Variants in RNF213 observed in about 807,000 individuals in gnomAD.
The protein encoded by RNF213 is E3 ubiquitin-protein ligase RNF213.
Under a neutral mutation model 514.4 loss-of-function variants are expected in RNF213, and 341 were observed. That is an observed-to-expected ratio of 0.66 (90% CI 0.61 to 0.73). The LOEUF is 0.73. Among genes scored for constraint, RNF213 ranks in the 30% least tolerant of loss-of-function variants. RNF213 has a pLI of 0.00. For missense variants in RNF213, 5,767 were observed against 6,615.6 expected (o/e 0.87, Z 4.45); for synonymous variants, 2,655 against 2,658.2 (o/e 1.00, Z 0.04).
chr17:80,350,532 A>C, intron 31 of RNF213, 136 bp downstream of exon 31: 1 of 680,268 alleles, frequency 1.5e-6, no homozygotes. Flanking sequence ...CCCCCGCCTC[A>C]TTCCCCCAAG....
intron 26 of RNF213, among the ~76,000 whole-genome samples, chr17:80,342,920 C>T (rs893165141): frequency 2.6e-5 from 4 of 151,818 alleles, no homozygotes; most frequent in Non-Finnish European, 5.9e-5. Flanking sequence ...ATTCTCCTGC[C>T]TCAGCCTCCT....
intron 13 of RNF213, 76 bp downstream of exon 13, chr17:80,307,277 G>T: frequency 7.9e-7 from 1 of 1,269,774 alleles, no homozygotes; most frequent in Non-Finnish European, 1.1e-6. Flanking sequence ...ATAATTGGCC[G>T]TGACCCACAT....
In RNF213 at chr17:80,289,776, G is replaced by A; in HGVS notation, c.1051G>A (p.Ala351Thr). Residue 351 changes from alanine to threonine, a missense_variant, in exon 6 of 68, where the codon GCT (alanine) becomes ACT (threonine). Ala to Thr is a moderately conservative substitution (Grantham distance 58). Transcript: ENST00000582970. The stretch of plus-strand genomic sequence containing the variant: ...AGAGGGGAAGAACAGAAGTGCAGCT[G>A]CTGTGAAAAACGAGAAGGAGCAAAA... ...KPEGKNRSAA[A>T]VKNEKEQKNQ... is the part of the protein sequence containing the mutation. 1 of 1,613,774 alleles carries A rather than the reference G, an allele frequency of 6.2e-7. No individual in the cohort carries two copies. The highest frequency in any genetic ancestry group is 8.5e-7 in the Non-Finnish European group (1 of 1,179,894).
intron 2 of RNF213, among the ~76,000 whole-genome samples, chr17:80,269,204 C>T (rs1415735516): frequency 6.6e-6 from 1 of 152,130 alleles, no homozygotes; most frequent in Non-Finnish European, 1.5e-5. Flanking sequence ...GTCTTCCTCT[C>T]CCAGGCCATT....
At position 80,327,910 on chromosome 17, in the gene RNF213, C is replaced by G; in HGVS notation, c.3288C>G (p.Leu1096=). The change falls in exon 19 of 68, where the codon CTC becomes CTG. Residue 1096 remains leucine (L), a synonymous_variant. Transcript: ENST00000582970. ...TGTTGACGAAAGTTGTTGGTGACCT[C>G]CTAAGTGGCACGATTTTAGTTGGAC... ...DSVLTKVVGD[L]LSGTILVGQL... 1 of 1,537,282 alleles carries G rather than the reference C, an allele frequency of 6.5e-7. No individual in the cohort carries two copies. The highest frequency in any genetic ancestry group is 8.7e-7 in the Non-Finnish European group (1 of 1,146,928).
chr17:80,390,237 T>C, intron 67 of RNF213, 41 bp downstream of exon 67: 1 of 1,585,712 alleles, frequency 6.3e-7, no homozygotes, highest in Non-Finnish European at 8.7e-7. Flanking sequence ...AGACACAATG[T>C]TGTGCTGTCT....
intron 57 of RNF213, 137 bp from the exon 58 acceptor site, chr17:80,382,842 A>G (rs1261664343): frequency 1.5e-6 from 1 of 673,496 alleles, no homozygotes; most frequent in African/African-American, 1.8e-5. Context: ...CTACTTCAAA[A>G]TACTTAGATT....
Position 80,327,921 on chromosome 17 carries a change from C to T in RNF213, c.3299C>T (p.Thr1100Met), listed in dbSNP as rs1023515458. 20 of 1,537,108 alleles carry T rather than the reference C, an allele frequency of 1.3e-5. No individual in the cohort carries two copies. The highest frequency in any genetic ancestry group is 3.6e-5 in the South Asian group (3 of 84,070). ...TKVVGDLLSGTILVGQLELII... is the reference protein window; with the variant it reads ...TKVVGDLLSGMILVGQLELII... ...GTTGTTGGTGACCTCCTAAGTGGCA[C>T]GATTTTAGTTGGACAACTGGAGCTG... Residue 1100 changes from threonine to methionine, a missense_variant, in exon 19 of 68, where the codon ACG becomes ATG. Physicochemically the swap from Thr to Met is moderately conservative, Grantham distance 81. Around this residue, in one of 13 missense-constraint regions of RNF213, gnomAD observed 516 missense variants for 566.5 expected, o/e 0.91. Transcript: ENST00000582970.
At chr17:80,281,576 ACCACT>A (rs1568006760) in intron 3 of RNF213, among the ~76,000 whole-genome samples, 1 of 46,518 alleles carries the variant, frequency 2.1e-5, no homozygotes, top group Non-Finnish European at 4.7e-5. Flanking sequence ...CCCCACTCAC[ACCACT>A]CACACACTGC....
chr17:80,378,106 A>G (rs2079835803), intron 54 of RNF213, among the ~76,000 whole-genome samples: 2 of 152,218 alleles, frequency 1.3e-5, no homozygotes, highest in Admixed American at 6.5e-5. Context: ...CCAGTGTGAC[A>G]GCTAAAACCA....
chr17:80,390,256 ATCT>A (rs1269357347), intron 67 of RNF213, 60 bp downstream of exon 67: 1 of 1,533,782 alleles, frequency 6.5e-7, no homozygotes, highest in Non-Finnish European at 9.0e-7. Context: ...CTCTCCTGTG[ATCT>A]TCTATAGACA....
At position 80,319,561 on chromosome 17, in the gene RNF213, G is replaced by A. The variant is rs889386693; in HGVS notation, c.3024+249G>A. On this transcript the variant is annotated intron_variant, in intron 17 of 67. Coordinates refer to ENST00000582970, the MANE Select transcript of RNF213 (RefSeq NM_001256071.3). ...ATGTGTTCCATATGGAATCACGGCC[G>A]TGCGCGTGTGGCACAAGTCACACGG... The A allele has an allele frequency of 7.4e-5, 119 of 1,603,188 alleles. 1 individual carries two copies. The highest frequency in any genetic ancestry group is 5.5e-4 in the South Asian group (49 of 89,616).
chr17:80,315,526 TGGA>T (rs1193109790), intron 15 of RNF213: 1 of 27,146 alleles, frequency 3.7e-5, no homozygotes, highest in Admixed American at 3.3e-4. Flanking sequence ...GAGGTGATGG[TGGA>T]GGTACTGGAG....
intron 1 of RNF213, among the ~76,000 whole-genome samples, chr17:80,261,680 G>T (rs929446159): frequency 8.5e-5 from 13 of 152,248 alleles, no homozygotes; most frequent in Non-Finnish European, 4.4e-5. Flanking sequence ...GGTGCCTGGG[G>T]CTCTCTCTTG....
chr17:80,293,684 C>T (rs773996734), intron 8 of RNF213, among the ~76,000 whole-genome samples: 3 of 151,954 alleles, frequency 2.0e-5, no homozygotes, highest in South Asian at 2.1e-4. Flanking sequence ...ATTGGCCGGG[C>T]GTCTTGGCAG....
chr17:80,287,965 G>T lies in RNF213; in HGVS notation c.412G>T (p.Ala138Ser). 1 of 1,573,394 alleles carries T rather than the reference G, an allele frequency of 6.4e-7. No individual in the cohort carries two copies. ...GGACACAGCCCTGCCCCACAGCCAAGCCCAGCAGAGTGGCCCCACTGGCCA... is the reference window on the plus strand; with the variant it reads ...GGACACAGCCCTGCCCCACAGCCAATCCCAGCAGAGTGGCCCCACTGGCCA... ...PQDTALPHSQ[A>S]QQSGPTGQPS... Residue 138 changes from alanine (A) to serine (S), a missense_variant, in exon 4 of 68, where the codon GCC becomes TCC. Ala to Ser is a moderately conservative substitution (Grantham distance 99). Coordinates refer to ENST00000582970, the MANE Select transcript of RNF213 (RefSeq NM_001256071.3).
In RNF213 at chr17:80,273,263, A is replaced by C. The variant is rs202087716; in HGVS notation, c.120A>C (p.Thr40=). Residue 40 remains threonine (T), a synonymous_variant, in exon 3 of 68, where the codon ACA becomes ACC. Coordinates refer to ENST00000582970, the MANE Select transcript of RNF213 (RefSeq NM_001256071.3). ...CAGATTCTGAGAACAATAACTCCACAATGGCGTCGGCCTCGGAGGGTGAAA... is the reference window on the plus strand; with the variant it reads ...CAGATTCTGAGAACAATAACTCCACCATGGCGTCGGCCTCGGAGGGTGAAA... The part of the protein sequence containing the change: ...PIADSENNNS[T]MASASEGEME... The C allele has an allele frequency of 2.1e-5, 34 of 1,613,540 alleles. No individual in the cohort carries two copies. In the Admixed American group the frequency reaches 3.0e-4, roughly 14 times the overall value.
At chr17:80,349,998 G>A in intron 30 of RNF213, 92 bp downstream of exon 30, 1 of 1,386,748 alleles carries the variant, frequency 7.2e-7, no homozygotes, top group Non-Finnish European at 1.0e-6. Flanking sequence ...CGGTTAATGA[G>A]CGCCACAGTC....
At position 80,380,812 on chromosome 17, in the gene RNF213, G is replaced by A. The variant is rs114047543; in HGVS notation, c.13641-19G>A. The A allele has an allele frequency of 1.0e-3, 1,647 of 1,614,164 alleles. 13 individuals carry two copies. In the African/African-American group the frequency reaches 0.014, roughly 14 times the overall value. ...CGGCCAGCCTCAGCCTCTGTCTTGTGTTCTCTCGTTCTTTCCAGAGACAAG... is the reference window on the plus strand; with the variant it reads ...CGGCCAGCCTCAGCCTCTGTCTTGTATTCTCTCGTTCTTTCCAGAGACAAG... On this transcript the variant is annotated intron_variant, in intron 55 of 67. Transcript: ENST00000582970.
Sources: gnomAD v4.1 joint callset for allele counts (sites outside exome capture counted in the v4.1 genomes callset) on GRCh38, gnomAD v4.1.1 for gene constraint, gnomAD v4.1.1 regional missense constraint, MANE v1.5 for transcripts, NCBI Gene and HGNC (gene_info 2026-07-23, HGNC 2026-07-21) for gene names.